TMEM74: variants seen among roughly 807,000 people sequenced by gnomAD.
The protein encoded by TMEM74 is transmembrane protein 74.
In TMEM74, 13 loss-of-function variants were observed where a neutral mutation model predicts 18.1. The ratio of observed to expected loss-of-function variants is 0.72; its 90% CI spans 0.47 to 1.14. The LOEUF is 1.14. Among genes scored for constraint, TMEM74 ranks in the 50% most tolerant of loss-of-function variants. The pLI is 0.00. For synonymous variants in TMEM74, 159 were observed against 146.6 expected, an observed-to-expected ratio of 1.08 and a Z score of -0.61; for missense variants, 372 against 375.9, an observed-to-expected ratio of 0.99 and a Z score of 0.09.
At chr8:108,648,051 G>A (rs1316585613) in intron 2 of TMEM74, among the ~76,000 whole-genome samples, 2 of 152,128 alleles carry the variant, frequency 1.3e-5, no homozygotes, top group Non-Finnish European at 2.9e-5. Context: ...GGCCTTAGAC[G>A]TTCTCACTCA....
At chr8:108,718,974 A>ATATATATG (rs1563534474) in intron 1 of TMEM74, among the ~76,000 whole-genome samples, 1 of 149,216 alleles carries the variant, frequency 6.7e-6, no homozygotes, top group African/African-American at 2.4e-5. Flanking sequence ...GTGTGTGTAT[A>ATATATATG]TATATATACG....
intron 1 of TMEM74, among the ~76,000 whole-genome samples, chr8:108,743,822 C>T (rs1288560048): frequency 6.6e-6 from 1 of 152,148 alleles, no homozygotes; most frequent in Non-Finnish European, 1.5e-5. Flanking sequence ...CCCTCTCCTC[C>T]ACAGCCTCTC....
intron 1 of TMEM74, among the ~76,000 whole-genome samples, chr8:108,751,670 A>G (rs913630611): frequency 1.3e-5 from 2 of 152,144 alleles, no homozygotes; most frequent in African/African-American, 2.4e-5. Context: ...ATAACAAGAA[A>G]TGTTCAGAAT....
Position 108,662,848 on chromosome 8 carries a change from C to T in TMEM74, n.120-7411G>A, listed in dbSNP as rs191254412. Among the ~76,000 whole-genome samples the T allele has an allele frequency of 2.6e-3, 390 of 152,154 alleles. 1 individual carries two copies. Among genetic ancestry groups the T allele is most frequent in the Non-Finnish European group, 3.7e-3 (250 of 67,978 alleles). On this transcript the variant is annotated intron_variant and non_coding_transcript_variant, in intron 1 of 3. Transcript: ENST00000518838. ...CCAATCCTTGCAGACCTGGTTGGTG[C>T]CCTACTTCTGTGTTCCCACAGTACT...
chr8:108,750,476 A>C (rs1813893163), intron 1 of TMEM74, among the ~76,000 whole-genome samples: 1 of 152,024 alleles, frequency 6.6e-6, no homozygotes, highest in Admixed American at 6.6e-5. Flanking sequence ...ACCCACTAGG[A>C]ATGTTGGGTG....
At chr8:108,659,844 C>G (rs531399712) in intron 1 of TMEM74, among the ~76,000 whole-genome samples, 2 of 152,234 alleles carry the variant, frequency 1.3e-5, no homozygotes, top group South Asian at 4.1e-4. Flanking sequence ...GCCATCTCAC[C>G]TAAGACCATG....
Position 108,780,020 on chromosome 8 carries a change from C to T in TMEM74, c.*4161G>A, listed in dbSNP as rs1814283581. 6.6e-6 allele frequency among the ~76,000 whole-genome samples: 1 copy of T among 152,182 alleles called. No homozygotes were observed. Among genetic ancestry groups the T allele is most frequent in the African/African-American group, 2.4e-5 (1 of 41,444 alleles). ...ATATGTTAATTCTCTTTCTTAAGTA[C>T]TCTTTTTAGACTAGGAAAAGCCAGT... On this transcript the variant is annotated 3_prime_UTR_variant, in exon 2 of 2. Transcript: ENST00000297459.
chr8:108,695,124 C>A (rs953181447), intron 1 of TMEM74, among the ~76,000 whole-genome samples: 1 of 152,150 alleles, frequency 6.6e-6, no homozygotes, highest in Non-Finnish European at 1.5e-5. Context: ...GAGGTCAGCA[C>A]CAGCTGGCAT....
intron 1 of TMEM74, among the ~76,000 whole-genome samples, chr8:108,787,018 T>TC (rs980805721): frequency 1.3e-5 from 2 of 152,176 alleles, no homozygotes; most frequent in Non-Finnish European, 2.9e-5. Context: ...GAATGGATAA[T>TC]CCCAGGGGAC....
At chr8:108,665,325 T>C (rs534522536) in intron 1 of TMEM74, among the ~76,000 whole-genome samples, 4 of 152,204 alleles carry the variant, frequency 2.6e-5, no homozygotes, top group South Asian at 4.1e-4. Flanking sequence ...GTTATTTCAA[T>C]TGGGAAAATA....
intron 1 of TMEM74, among the ~76,000 whole-genome samples, chr8:108,682,083 T>C (rs1813120501): frequency 6.6e-6 from 1 of 152,162 alleles, no homozygotes; most frequent in Non-Finnish European, 1.5e-5. Context: ...TTTTCAGTGG[T>C]TTCTCATTTT....
chr8:108,658,110 G>A (rs910976332), intron 1 of TMEM74, among the ~76,000 whole-genome samples: 4 of 151,290 alleles, frequency 2.6e-5, no homozygotes, highest in Non-Finnish European at 5.9e-5. Flanking sequence ...GTGGCTGCTG[G>A]CCATACAAAT....
intron 2 of TMEM74, among the ~76,000 whole-genome samples, chr8:108,638,749 C>T (rs993712953): frequency 1.3e-5 from 2 of 152,082 alleles, no homozygotes; most frequent in Non-Finnish European, 1.5e-5. Flanking sequence ...ATGTATTTTA[C>T]ACTTATTGGC....
chr8:108,645,102 C>A (rs1812703494), intron 2 of TMEM74, among the ~76,000 whole-genome samples: 1 of 152,072 alleles, frequency 6.6e-6, no homozygotes, highest in Admixed American at 6.6e-5. Flanking sequence ...TGGAATCAAC[C>A]TAGGTGCCCA....
chr8:108,635,417 T>G (rs138730006), intron 2 of TMEM74, among the ~76,000 whole-genome samples: 64 of 152,156 alleles, frequency 4.2e-4, no homozygotes, highest in African/African-American at 1.4e-3. Context: ...CAAGGCAATG[T>G]TTTCCTTGGG....
At chr8:108,733,825 G>T (rs1265867684) in intron 1 of TMEM74, among the ~76,000 whole-genome samples, 1 of 152,172 alleles carries the variant, frequency 6.6e-6, no homozygotes, top group Non-Finnish European at 1.5e-5. Flanking sequence ...CACATTTTGT[G>T]TTCTCACTGG....
intron 1 of TMEM74, 92 bp downstream of exon 1, chr8:108,787,384 A>G (rs1454988776): frequency 6.6e-6 from 1 of 152,234 alleles, no homozygotes; most frequent in Non-Finnish European, 1.5e-5. Context: ...CGAAGGAGAG[A>G]GAGCGGGGAT....
intron 1 of TMEM74, among the ~76,000 whole-genome samples, chr8:108,712,779 A>G (rs1563532807): frequency 6.6e-6 from 1 of 152,148 alleles, no homozygotes. Flanking sequence ...AAGCCTGTCA[A>G]CTAAAACCAG....
At chr8:108,657,748 C>T (rs1309936100) in intron 1 of TMEM74, among the ~76,000 whole-genome samples, 1 of 146,592 alleles carries the variant, frequency 6.8e-6, no homozygotes, top group Non-Finnish European at 1.5e-5. Context: ...GAGGCTGAGG[C>T]AGGAGAATAG....
Sources: gnomAD v4.1 joint callset for allele counts (sites outside exome capture counted in the v4.1 genomes callset) on GRCh38, gnomAD v4.1.1 for gene constraint, MANE v1.5 for transcripts, NCBI Gene and HGNC (gene_info 2026-07-23, HGNC 2026-07-21) for gene names.